Variants in PDK1 observed in about 807,000 individuals in gnomAD.
The protein encoded by PDK1 is [Pyruvate dehydrogenase (acetyl-transferring)] kinase isozyme 1, mitochondrial.
PDK1 carries 39 observed loss-of-function variants against 54.2 expected under a neutral mutation model. The ratio of observed to expected loss-of-function variants is 0.72; its 90% CI spans 0.56 to 0.94. The LOEUF (loss-of-function observed/expected upper bound fraction) is 0.94, where lower values mean the gene tolerates loss of function less well. Among genes scored for constraint, PDK1 ranks in the 40% least tolerant of loss-of-function variants. The pLI is 0.00. For missense variants in PDK1, 552 were observed against 566.0 expected, an observed-to-expected ratio of 0.98 and a Z score of 0.25; for synonymous variants, 221 against 207.1, an observed-to-expected ratio of 1.07 and a Z score of -0.58.
the PDK1 span, among the ~76,000 whole-genome samples, chr2:172,717,141 C>T: frequency 5.9e-5 from 9 of 152,188 alleles, no homozygotes; most frequent in African/African-American, 2.2e-4. Flanking sequence ...TATCTCACAT[C>T]CAAGACTACA....
chr2:172,615,197 T>G, the PDK1 span, among the ~76,000 whole-genome samples: 2 of 152,236 alleles, frequency 1.3e-5, no homozygotes, highest in Non-Finnish European at 2.9e-5. Flanking sequence ...GAGAGAAATC[T>G]TGCATCACTG....
Position 172,595,822 on chromosome 2 carries a change from T to G in PDK1, c.1171-7T>G. The G allele has an allele frequency of 6.2e-7, 1 of 1,613,182 alleles. No homozygotes were observed. The highest frequency in any genetic ancestry group is 8.5e-7 in the Non-Finnish European group (1 of 1,179,372). ...GACTTAATAGGTCTTAGGTTTTTCT[T>G]TTTCAGGCTCTGTCAACAGACTCAA... On this transcript the variant is annotated splice_region_variant and splice_polypyrimidine_tract_variant and intron_variant, in intron 10 of 10. Coordinates refer to ENST00000282077, the MANE Select transcript of PDK1 (RefSeq NM_002610.5).
At chr2:172,723,574 T>C in the PDK1 span, 2 of 152,142 alleles carry the variant, frequency 1.3e-5, no homozygotes, top group African/African-American at 4.8e-5. Context: ...TTAAAAATGG[T>C]TGAGGGATTG....
chr2:172,717,707 G>T, the PDK1 span, among the ~76,000 whole-genome samples: 3 of 152,194 alleles, frequency 2.0e-5, no homozygotes, highest in Non-Finnish European at 4.4e-5. Context: ...TTAGTATTTT[G>T]AAGTAGAACA....
chr2:172,614,091 C>A, the PDK1 span, among the ~76,000 whole-genome samples: 1 of 152,020 alleles, frequency 6.6e-6, no homozygotes, highest in Non-Finnish European at 1.5e-5. Context: ...GGTGGGAGCT[C>A]GCGGGTGCAG....
At chr2:172,621,420 C>A in the PDK1 span, among the ~76,000 whole-genome samples, 1 of 151,970 alleles carries the variant, frequency 6.6e-6, no homozygotes, top group South Asian at 2.1e-4. Flanking sequence ...ACATCGGACA[C>A]CAGATTCTTC....
chr2:172,591,551 A>T (rs1462445563), intron 9 of PDK1, among the ~76,000 whole-genome samples: 1 of 152,146 alleles, frequency 6.6e-6, no homozygotes, highest in Non-Finnish European at 1.5e-5. Context: ...AGTGTTTGGT[A>T]GTAGGATAAT....
At chr2:172,566,967 G>A in intron 6 of PDK1, 34 bp downstream of exon 6, 1 of 1,360,292 alleles carries the variant, frequency 7.4e-7, no homozygotes, top group South Asian at 1.2e-5. Context: ...TCAATAATTA[G>A]TGCTTTGATT....
chr2:172,720,438 C>G, the PDK1 span, among the ~76,000 whole-genome samples: 5 of 152,252 alleles, frequency 3.3e-5, no homozygotes, highest in East Asian at 9.7e-4. Context: ...TGTTGCTGCT[C>G]TACCCCCAGC....
the PDK1 span, among the ~76,000 whole-genome samples, chr2:172,621,439 G>A: frequency 6.6e-6 from 1 of 151,732 alleles, no homozygotes; most frequent in Non-Finnish European, 1.5e-5. Context: ...TCAGTTTTGG[G>A]ACTTGGACTG....
the PDK1 span, among the ~76,000 whole-genome samples, chr2:172,700,480 C>T: frequency 6.6e-6 from 1 of 151,372 alleles, no homozygotes; most frequent in Admixed American, 6.6e-5. Flanking sequence ...ACTTCCTAGA[C>T]AGGATGACGG....
chr2:172,568,327 C>CAAA (rs11400625), intron 6 of PDK1, among the ~76,000 whole-genome samples: 443 of 54,746 alleles, frequency 8.1e-3, no homozygotes, highest in Middle Eastern at 0.024. Context: ...GACTCCGTCT[C>CAAA]AAAAAAAAAA....
the PDK1 span, among the ~76,000 whole-genome samples, chr2:172,694,498 C>G: frequency 6.6e-6 from 1 of 152,188 alleles, no homozygotes. Context: ...CACAGACTCT[C>G]CCTGTCTGTG....
At chr2:172,706,301 T>C in the PDK1 span, among the ~76,000 whole-genome samples, 1 of 152,144 alleles carries the variant, frequency 6.6e-6, no homozygotes, top group African/African-American at 2.4e-5. Context: ...TTATTGGTGA[T>C]TCGTTTCTAG....
the PDK1 span, among the ~76,000 whole-genome samples, chr2:172,665,351 C>T: frequency 5.3e-5 from 8 of 152,146 alleles, no homozygotes; most frequent in Non-Finnish European, 1.2e-4. Context: ...ATTTTGCCTT[C>T]CCTGCAGCTC....
At chr2:172,591,584 CG>C (rs1354728010) in intron 9 of PDK1, among the ~76,000 whole-genome samples, 3 of 152,120 alleles carry the variant, frequency 2.0e-5, no homozygotes, top group Non-Finnish European at 2.9e-5. Flanking sequence ...CTGGCTGTTC[CG>C]GTTCCTGTAG....
intron 10 of PDK1, among the ~76,000 whole-genome samples, chr2:172,593,702 GGTAAGCATATAGCTTACCTAA>G (rs1222718096): frequency 6.6e-6 from 1 of 152,032 alleles, no homozygotes; most frequent in East Asian, 1.9e-4. Context: ...AGTGACTCTT[GGTAAGCATATAGCTTACCTAA>G]TGGACACAGA....
At chr2:172,564,144 C>T (rs201143885) in intron 3 of PDK1, 1 of 397,020 alleles carries the variant, frequency 2.5e-6, no homozygotes, top group South Asian at 2.3e-5. Flanking sequence ...AGTGCTTTGT[C>T]TCCTCCTATG....
At chr2:172,669,225 A>G in the PDK1 span, among the ~76,000 whole-genome samples, 144 of 150,314 alleles carry the variant, frequency 9.6e-4, 1 homozygote, top group African/African-American at 3.3e-3. Context: ...ACGCCCGGCT[A>G]ACTTTTTGTA....
Sources: gnomAD v4.1 joint callset for allele counts (sites outside exome capture counted in the v4.1 genomes callset) on GRCh38, gnomAD v4.1.1 for gene constraint, MANE v1.5 for transcripts, NCBI Gene and HGNC (gene_info 2026-07-23, HGNC 2026-07-21) for gene names.